Variants in TANC2 observed in about 807,000 individuals in gnomAD.
TANC2 encodes tetratricopeptide repeat, ankyrin repeat and coiled-coil containing 2, also known as protein TANC2.
TANC2 carries 26 observed loss-of-function variants against 210.5 expected under a neutral mutation model. The ratio of observed to expected loss-of-function variants is 0.12; its 90% CI spans 0.09 to 0.17. TANC2 has a LOEUF of 0.17. Among genes scored for constraint, TANC2 ranks in the 10% least tolerant of loss-of-function variants. The probability of loss-of-function intolerance (pLI) is 1.00; values close to 1 mark genes in which losing one functional copy is unlikely to be tolerated. For synonymous variants in TANC2, 931 were observed against 967.1 expected, an observed-to-expected ratio of 0.96 and a Z score of 0.69; for missense variants, 2,129 against 2,608.9, an observed-to-expected ratio of 0.82 and a Z score of 4.01.
chr17:63,334,705 A>G (rs574223684), intron 11 of TANC2, among the ~76,000 whole-genome samples: 1 of 152,356 alleles, frequency 6.6e-6, no homozygotes, highest in South Asian at 2.1e-4. Context: ...GAAAGATGAT[A>G]GTAGAAGAAC....
chr17:63,318,624 G>A (rs893035454), intron 10 of TANC2, among the ~76,000 whole-genome samples: 8 of 152,074 alleles, frequency 5.3e-5, no homozygotes, highest in African/African-American at 1.9e-4. Flanking sequence ...CTGACCTCTT[G>A]GATTTAGCAT....
chr17:63,138,583 ATTC>A (rs1420296319), intron 4 of TANC2, among the ~76,000 whole-genome samples: 1 of 151,994 alleles, frequency 6.6e-6, no homozygotes, highest in Non-Finnish European at 1.5e-5. Context: ...GTCAATCTGT[ATTC>A]TTCTTCTATC....
chr17:63,140,341 A>G (rs1425740952), intron 4 of TANC2, among the ~76,000 whole-genome samples: 1 of 152,214 alleles, frequency 6.6e-6, no homozygotes, highest in Non-Finnish European at 1.5e-5. Context: ...CATCTTTAAA[A>G]TGGCAGCAGA....
At chr17:63,075,210 C>A (rs1223249843) in intron 3 of TANC2, among the ~76,000 whole-genome samples, 1 of 151,958 alleles carries the variant, frequency 6.6e-6, no homozygotes, top group Non-Finnish European at 1.5e-5. Context: ...AAAATTAGTA[C>A]AAATTACTAC....
chr17:63,117,979 G>A (rs1439916311), intron 4 of TANC2, among the ~76,000 whole-genome samples: 1 of 151,968 alleles, frequency 6.6e-6, no homozygotes, highest in Non-Finnish European at 1.5e-5. Context: ...TTTTGAAATG[G>A]TTTTATATTT....
intron 4 of TANC2, among the ~76,000 whole-genome samples, chr17:63,142,745 A>G (rs1198573035): frequency 6.6e-6 from 1 of 152,180 alleles, no homozygotes; most frequent in Non-Finnish European, 1.5e-5. Context: ...ATTTTCATGA[A>G]ACTTTAAAAA....
chr17:63,395,654 G>T, intron 17 of TANC2, 89 bp from the exon 18 acceptor site: 1 of 1,225,196 alleles, frequency 8.2e-7, no homozygotes, highest in Non-Finnish European at 1.2e-6. Context: ...ATTCTTAGTA[G>T]CCTAGGCTTG....
chr17:63,028,973 T>G (rs555755844), intron 2 of TANC2, among the ~76,000 whole-genome samples: 1 of 152,204 alleles, frequency 6.6e-6, no homozygotes, highest in South Asian at 2.1e-4. Flanking sequence ...CTAATTTTAT[T>G]TATACAAAAA....
intron 9 of TANC2, among the ~76,000 whole-genome samples, chr17:63,287,654 C>G (rs1184556993): frequency 6.6e-6 from 1 of 151,702 alleles, no homozygotes; most frequent in Non-Finnish European, 1.5e-5. Flanking sequence ...AGATAAGACC[C>G]TTCTGAGTAT....
In TANC2 at chr17:62,966,597, G is replaced by A. The variant is rs1428955240; in HGVS notation, c.-176G>A. On this transcript the variant is annotated 5_prime_UTR_variant, in exon 1 of 28. Coordinates refer to ENST00000689528, the Ensembl canonical transcript of TANC2. The surrounding 1 kb of genome is among the most constrained non-coding windows in gnomAD (Gnocchi z 5.1). Reference sequence around the variant, plus strand: ...CTCGCCGGCTGCGAGGCCCCGCCGCGCCGTTCCGGGGTGCAGACTCGCCGC... The same window carrying A: ...CTCGCCGGCTGCGAGGCCCCGCCGCACCGTTCCGGGGTGCAGACTCGCCGC... Among the ~76,000 whole-genome samples, 1 of 151,416 alleles carries A rather than the reference G, an allele frequency of 6.6e-6. No homozygotes were observed. The highest frequency in any genetic ancestry group is 1.5e-5 in the Non-Finnish European group (1 of 67,786).
intron 9 of TANC2, 133 bp from the exon 10 acceptor site, chr17:63,314,255 A>C: frequency 4.2e-6 from 4 of 949,074 alleles, no homozygotes; most frequent in Non-Finnish European, 4.7e-6. Context: ...TCGCAGTTGC[A>C]TTATTTCTGA....
chr17:62,990,036 C>G (rs2032779406), intron 1 of TANC2, among the ~76,000 whole-genome samples: 1 of 152,120 alleles, frequency 6.6e-6, no homozygotes, highest in African/African-American at 2.4e-5. Flanking sequence ...CTCGGCCTCC[C>G]AAAGTGCTGG....
At chr17:62,979,107 C>G (rs1456309010) in intron 1 of TANC2, among the ~76,000 whole-genome samples, 2 of 152,008 alleles carry the variant, frequency 1.3e-5, no homozygotes, top group African/African-American at 4.8e-5. Context: ...GTCTTCAAGC[C>G]TTTTGTGCAG....
intron 8 of TANC2, among the ~76,000 whole-genome samples, chr17:63,239,738 G>A (rs1202719061): frequency 1.3e-5 from 2 of 152,096 alleles, no homozygotes; most frequent in African/African-American, 4.8e-5. Context: ...CTGCTATAAA[G>A]AAATACCTGA....
At chr17:63,425,806 A>G (rs2147463347) in exon 28 of TANC2, 1 of 152,396 alleles carries the variant, frequency 6.6e-6, no homozygotes, top group South Asian at 2.1e-4. Context: ...AAGGTTGACC[A>G]GAGCTCCCTT....
intron 4 of TANC2, among the ~76,000 whole-genome samples, chr17:63,133,721 C>G (rs1364075054): frequency 6.6e-6 from 1 of 152,074 alleles, no homozygotes; most frequent in Non-Finnish European, 1.5e-5. Context: ...ACAGCTAATG[C>G]AAAATGGAAA....
chr17:63,242,428 A>G (rs1218535799), intron 8 of TANC2, among the ~76,000 whole-genome samples: 2 of 152,038 alleles, frequency 1.3e-5, no homozygotes, highest in African/African-American at 4.8e-5. Context: ...TATGTGATAT[A>G]TAATCATATA....
chr17:63,076,731 T>A (rs951025036), intron 3 of TANC2, among the ~76,000 whole-genome samples: 1 of 151,982 alleles, frequency 6.6e-6, no homozygotes, highest in African/African-American at 2.4e-5. Context: ...AAGAAAGAAG[T>A]ACATAAAAGA....
chr17:63,147,184 A>G (rs766904985), intron 4 of TANC2, among the ~76,000 whole-genome samples: 1 of 148,104 alleles, frequency 6.8e-6, no homozygotes, highest in East Asian at 1.9e-4. Context: ...AAAAAAAGAA[A>G]TAACGAAAAT....
Sources: allele counts gnomAD v4.1 joint callset (sites outside exome capture counted in the v4.1 genomes callset), GRCh38; gene constraint gnomAD v4.1.1; non-coding constraint Gnocchi (gnomAD v3.1); transcripts MANE v1.5; gene names NCBI Gene and HGNC (gene_info 2026-07-23, HGNC 2026-07-21).